The following PAX3 variants were observed in gnomAD, a reference collection of about 807,000 sequenced individuals.
PAX3 encodes paired box 3, also known as paired box protein Pax-3.
Under a neutral mutation model 51.6 loss-of-function variants are expected in PAX3, and 14 were observed. The observed-to-expected ratio is 0.27, with a 90% CI of 0.18 to 0.42. The LOEUF is 0.42. PAX3 is among the 10% of genes least tolerant of loss of function. The probability of loss-of-function intolerance (pLI) is 1.00; values close to 1 mark genes in which losing one functional copy is unlikely to be tolerated. For synonymous variants in PAX3, 280 were observed against 253.4 expected (o/e 1.11, Z -1.00); for missense variants, 540 against 642.8 (o/e 0.84, Z 1.73).
intron 7 of PAX3, among the ~76,000 whole-genome samples, chr2:222,203,727 A>AAGGGTTTG (rs1691397334): frequency 6.6e-6 from 1 of 152,108 alleles, no homozygotes; most frequent in East Asian, 1.9e-4. Flanking sequence ...TCCCTTTGGG[A>AAGGGTTTG]AGGGTTTGCA....
chr2:222,207,861 C>T (rs1477116397), intron 7 of PAX3, among the ~76,000 whole-genome samples: 1 of 151,994 alleles, frequency 6.6e-6, no homozygotes. Flanking sequence ...TCTAATTTAA[C>T]ATTTAATATG....
chr2:222,271,115 C>T (rs927782703), intron 4 of PAX3, among the ~76,000 whole-genome samples: 11 of 152,186 alleles, frequency 7.2e-5, no homozygotes, highest in Non-Finnish European at 1.0e-4. Flanking sequence ...CAAATATTAT[C>T]GCCTACATTG....
At chr2:222,222,508 A>T (rs991143455) in intron 5 of PAX3, among the ~76,000 whole-genome samples, 1 of 150,824 alleles carries the variant, frequency 6.6e-6, no homozygotes, top group Non-Finnish European at 1.5e-5. Flanking sequence ...GGTTCAAGGG[A>T]TTCTCTTGCC....
intron 7 of PAX3, among the ~76,000 whole-genome samples, chr2:222,208,056 C>A (rs1323039755): frequency 2.0e-5 from 3 of 150,936 alleles, no homozygotes; most frequent in Non-Finnish European, 4.4e-5. Flanking sequence ...GATGAATGAC[C>A]ATATCACGTC....
At chr2:222,279,833 G>A (rs1694572410) in intron 4 of PAX3, among the ~76,000 whole-genome samples, 1 of 152,076 alleles carries the variant, frequency 6.6e-6, no homozygotes, top group South Asian at 2.1e-4. Flanking sequence ...AAAAAAAATT[G>A]GCTCTCTGTG....
intron 7 of PAX3, among the ~76,000 whole-genome samples, chr2:222,211,682 G>A (rs1341391941): frequency 6.6e-6 from 1 of 152,068 alleles, no homozygotes; most frequent in Non-Finnish European, 1.5e-5. Flanking sequence ...TCCATTATTA[G>A]GTACATCCCA....
chr2:222,235,589 A>C (rs564887745), intron 4 of PAX3, among the ~76,000 whole-genome samples: 3 of 151,754 alleles, frequency 2.0e-5, no homozygotes, highest in African/African-American at 7.2e-5. Context: ...TAAAGATGAA[A>C]ACTAGCATAG....
chr2:222,233,058 C>G (rs193276027), intron 4 of PAX3: 14 of 111,908 alleles, frequency 1.3e-4, no homozygotes, highest in African/African-American at 5.2e-4. Context: ...AGGACAGCTG[C>G]TTTATTTAAG....
rs755572095 is a variant in PAX3, at chr2:222,295,520, C to G, written c.451+8G>C. 6.2e-7 allele frequency: 1 copy of G among 1,614,186 alleles called. No homozygotes were observed. On this transcript the variant is annotated splice_region_variant and intron_variant, in intron 3 of 8. Coordinates refer to ENST00000392070, the MANE Select transcript of PAX3 (RefSeq NM_181458.4). ...CGCGCCTCGGGGAGAGGTTAATGGGCCTAGTACCTGACGGCACGGTGTTTC... is the reference window on the plus strand; with the variant it reads ...CGCGCCTCGGGGAGAGGTTAATGGGGCTAGTACCTGACGGCACGGTGTTTC...
At chr2:222,281,738 A>G (rs1694654246) in intron 4 of PAX3, among the ~76,000 whole-genome samples, 1 of 152,214 alleles carries the variant, frequency 6.6e-6, no homozygotes, top group African/African-American at 2.4e-5. Context: ...TATGAGCCTG[A>G]TTCAACCCAA....
chr2:222,250,763 T>G (rs1317204236), intron 4 of PAX3, among the ~76,000 whole-genome samples: 1 of 152,208 alleles, frequency 6.6e-6, no homozygotes, highest in African/African-American at 2.4e-5. Flanking sequence ...ATTCTAAATA[T>G]GACACAGGAC....
At chr2:222,227,750 A>G (rs1196506740) in intron 5 of PAX3, among the ~76,000 whole-genome samples, 8 of 151,912 alleles carry the variant, frequency 5.3e-5, no homozygotes, top group Non-Finnish European at 1.2e-4. Context: ...AAAACCTTGT[A>G]GTGTTATTAT....
chr2:222,245,109 C>G (rs1181516123), intron 4 of PAX3, among the ~76,000 whole-genome samples: 1 of 152,118 alleles, frequency 6.6e-6, no homozygotes, highest in Non-Finnish European at 1.5e-5. Flanking sequence ...GATCATGCCA[C>G]TGCACTCCAA....
chr2:222,276,099 G>A (rs1694411149), intron 4 of PAX3, among the ~76,000 whole-genome samples: 1 of 152,174 alleles, frequency 6.6e-6, no homozygotes, highest in Admixed American at 6.5e-5. Flanking sequence ...TCTGGACACA[G>A]GAAGAAATCG....
intron 4 of PAX3, chr2:222,264,311 G>A (rs576987789): frequency 6.6e-6 from 1 of 152,324 alleles, no homozygotes; most frequent in South Asian, 2.1e-4. Flanking sequence ...ACATACTGTA[G>A]GAGTCTATTT....
At chr2:222,229,260 T>C (rs1692496824) in intron 5 of PAX3, among the ~76,000 whole-genome samples, 1 of 149,928 alleles carries the variant, frequency 6.7e-6, no homozygotes, top group Admixed American at 6.7e-5. Context: ...GTAATATTAA[T>C]GTTATGTTAA....
chr2:222,203,026 T>C (rs1247898737), intron 7 of PAX3, among the ~76,000 whole-genome samples: 8 of 101,002 alleles, frequency 7.9e-5, no homozygotes, highest in Admixed American at 6.6e-4. Flanking sequence ...TATATATATA[T>C]ATATATATAT....
intron 4 of PAX3, among the ~76,000 whole-genome samples, chr2:222,260,591 G>GTTTTTTTTTTTTTTTTTTTTTTTTT (rs374339768): frequency 1.6e-5 from 1 of 63,072 alleles, no homozygotes; most frequent in African/African-American, 6.7e-5. Flanking sequence ...TTTTTTTTTT[G>GTTTTTTTTTTTTTTTTTTTTTTTTT]TTTTTTTTTT....
At chr2:222,241,481 C>G (rs971906604) in intron 4 of PAX3, among the ~76,000 whole-genome samples, 13 of 152,140 alleles carry the variant, frequency 8.5e-5, no homozygotes, top group Non-Finnish European at 1.8e-4. Context: ...TAAAACAGTG[C>G]GTTGAAAGCA....
Sources: gnomAD v4.1 joint callset for allele counts (sites outside exome capture counted in the v4.1 genomes callset) on GRCh38, gnomAD v4.1.1 for gene constraint, MANE v1.5 for transcripts, NCBI Gene and HGNC (gene_info 2026-07-23, HGNC 2026-07-21) for gene names.